The following CD99L2 variants were observed in gnomAD, a reference collection of about 807,000 sequenced individuals.
CD99L2 encodes CD99 molecule like 2.
CD99L2 carries 24 observed loss-of-function variants against 27.3 expected under a neutral mutation model. That is an observed-to-expected ratio of 0.88 (90% confidence interval 0.64 to 1.24). CD99L2 has a LOEUF of 1.24. CD99L2 is among the 50% of genes most tolerant of loss of function. CD99L2 has a pLI of 0.00. For synonymous variants in CD99L2, 97 were observed against 87.9 expected, an observed-to-expected ratio of 1.10 and a Z score of -0.58; for missense variants, 255 against 221.6, an observed-to-expected ratio of 1.15 and a Z score of -0.96.
intron 1 of CD99L2, among the ~76,000 whole-genome samples, chrX:150,845,988 C>G (rs782493038): frequency 8.1e-5 from 9 of 111,253 alleles, no homozygotes; most frequent in Admixed American, 4.8e-4. Context: ...CTCAGGAGTT[C>G]GAGACCAGCC....
chrX:150,817,996 A>C (rs1247605870), intron 2 of CD99L2, among the ~76,000 whole-genome samples: 1 of 110,494 alleles, frequency 9.1e-6, no homozygotes, highest in African/African-American at 3.3e-5. Context: ...ATGGAGTCAA[A>C]GAGTGACAAT....
At chrX:150,822,492 G>T (rs1557420696) in intron 2 of CD99L2, among the ~76,000 whole-genome samples, 1 of 111,806 alleles carries the variant, frequency 8.9e-6, no homozygotes, top group African/African-American at 3.3e-5. Flanking sequence ...CCACTTAATT[G>T]CTCACTTTTA....
intron 1 of CD99L2, among the ~76,000 whole-genome samples, chrX:150,895,584 C>T (rs1447585424): frequency 1.8e-5 from 2 of 111,464 alleles, no homozygotes; most frequent in Non-Finnish European, 3.8e-5. Flanking sequence ...ACCCAAAATG[C>T]CACTCCAGGG....
intron 4 of CD99L2, 148 bp downstream of exon 4, chrX:150,814,714 A>C: frequency 2.2e-6 from 1 of 462,320 alleles, no homozygotes; most frequent in Admixed American, 3.5e-5. Context: ...GAGACAAAAA[A>C]GGTTTGAGAA....
chrX:150,768,889 A>G lies in CD99L2; in HGVS notation c.*145T>C, dbSNP rs2043356984. The G allele has an allele frequency of 9.5e-7, 1 of 1,051,259 alleles. No individual in the cohort carries two copies. Among genetic ancestry groups the G allele is most frequent in the Non-Finnish European group, 1.2e-6 (1 of 825,229 alleles). 86.6% of individuals were successfully genotyped at this position (1,051,259 alleles called of 1,213,427 possible). On this transcript the variant is annotated 3_prime_UTR_variant, in exon 11 of 11. Transcript: ENST00000370377. ...GGGCAGAGAAACCAAACTCACAAAC[A>G]CCCAGAGCTCATCCGGGAAACTCAG... is the stretch of plus-strand genomic sequence containing the variant.
intron 1 of CD99L2, among the ~76,000 whole-genome samples, chrX:150,871,990 G>C (rs782379528): frequency 8.9e-6 from 1 of 111,946 alleles, no homozygotes; most frequent in East Asian, 2.8e-4. Context: ...CAGCACTTCA[G>C]GAGGCTGAGA....
In CD99L2 at chrX:150,828,403, G is replaced by A. The variant is rs374216813; in HGVS notation, c.130+2828C>T. On this transcript the variant is annotated intron_variant, in intron 2 of 10. Transcript: ENST00000370377. ...AGGGCTTCTTATTATCTTCATGTAA[G>A]AGATAAGGAAACTGAGGTGCAGACA... is the stretch of plus-strand genomic sequence containing the variant. The A allele has an allele frequency of 7.2e-5, 8 of 111,638 alleles. No homozygotes were observed. In the East Asian group the frequency reaches 2.0e-3, roughly 27 times the overall value. 9.2% of individuals were successfully genotyped at this position (111,638 alleles called of 1,213,427 possible).
chrX:150,771,224 G>A (rs782059580), intron 9 of CD99L2, among the ~76,000 whole-genome samples: 41 of 112,720 alleles, frequency 3.6e-4, no homozygotes, highest in African/African-American at 1.2e-3. Flanking sequence ...TCAAGCCATC[G>A]TCCTGGGCTA....
intron 2 of CD99L2, among the ~76,000 whole-genome samples, chrX:150,821,189 C>T (rs1320573912): frequency 8.9e-6 from 1 of 111,753 alleles, no homozygotes; most frequent in East Asian, 2.8e-4. Context: ...CATGGAATTG[C>T]ATGGGACCCT....
At chrX:150,874,258 C>T (rs960416928) in intron 1 of CD99L2, among the ~76,000 whole-genome samples, 6 of 112,184 alleles carry the variant, frequency 5.3e-5, no homozygotes, top group Non-Finnish European at 7.5e-5. Flanking sequence ...GGCTCAGAGA[C>T]GTGAGCAGCC....
At chrX:150,893,795 A>G (rs1441181842) in intron 1 of CD99L2, among the ~76,000 whole-genome samples, 1 of 110,049 alleles carries the variant, frequency 9.1e-6, no homozygotes, top group African/African-American at 3.3e-5. Flanking sequence ...AGCTTACTGC[A>G]GCCTCTGCCT....
chrX:150,889,467 T>TAA (rs373044500), intron 1 of CD99L2, among the ~76,000 whole-genome samples: 5,638 of 91,365 alleles, frequency 0.062, 426 homozygotes, highest in African/African-American at 0.21. Context: ...GAAGCAGCAA[T>TAA]AAAAAAAAAA....
At chrX:150,859,523 C>G (rs1328273621) in intron 1 of CD99L2, among the ~76,000 whole-genome samples, 1 of 103,457 alleles carries the variant, frequency 9.7e-6, no homozygotes, top group Non-Finnish European at 2.0e-5. Context: ...TTGAGATGGA[C>G]TTTTGCTCTT....
At position 150,897,486 on chromosome X, in the gene CD99L2, T is replaced by C. The variant is rs1342642919; in HGVS notation, c.67+1036A>G. ...CATCCACTGTTTTCCAGTGTTCCTT[T>C]ATGTGACATAAATCTTACTAGAACT... On this transcript the variant is annotated intron_variant, in intron 1 of 10. Coordinates refer to ENST00000370377, the MANE Select transcript of CD99L2 (RefSeq NM_031462.4). Among the ~76,000 whole-genome samples the C allele has an allele frequency of 3.6e-5, 4 of 111,725 alleles. No individual in the cohort carries two copies. In the East Asian group the frequency reaches 1.1e-3, roughly 31 times the overall value.
intron 1 of CD99L2, among the ~76,000 whole-genome samples, chrX:150,883,503 C>G (rs2047363412): frequency 1.8e-5 from 2 of 111,145 alleles, no homozygotes; most frequent in African/African-American, 6.6e-5. Context: ...AATTCCACCC[C>G]CAGAGGATTG....
Position 150,768,780 on chromosome X carries a change from C to T in CD99L2, c.*254G>A, listed in dbSNP as rs1047613205. 5.0e-5 allele frequency: 32 copies of T among 637,332 alleles called. No homozygotes were observed. Among genetic ancestry groups the T allele is most frequent in the Non-Finnish European group, 6.7e-5 (32 of 474,927 alleles). The allele number at this position is 637,332 out of a possible 1,213,427, so 52.5% of individuals were successfully genotyped here. A position where few individuals can be genotyped will look rare whatever the true frequency, so the allele number is the denominator to read the frequency against. On this transcript the variant is annotated 3_prime_UTR_variant, in exon 11 of 11. Coordinates refer to ENST00000370377, the MANE Select transcript of CD99L2 (RefSeq NM_031462.4). ...GCAGGCTGGCTTTGGGAGTTGGTGG[C>T]TCAGCAGCTCCCGAGGCTGGTGCTG...
At chrX:150,816,677 C>G (rs1324868812) in intron 2 of CD99L2, among the ~76,000 whole-genome samples, 1 of 109,663 alleles carries the variant, frequency 9.1e-6, no homozygotes, top group Non-Finnish European at 1.9e-5. Flanking sequence ...TACCATTTGA[C>G]CCAGCCATCC....
intron 4 of CD99L2, among the ~76,000 whole-genome samples, chrX:150,804,590 C>T (rs1557420183): frequency 9.0e-6 from 1 of 110,894 alleles, no homozygotes; most frequent in African/African-American, 3.3e-5. Flanking sequence ...GGTGAAACCC[C>T]ATCTCTAGTA....
chrX:150,896,326 A>G lies in CD99L2; in HGVS notation c.67+2196T>C, dbSNP rs1188191977. ...GGCAGGAGAATTGCTTGAACCCAGG[A>G]GGCGAAGGTTGCGGTGAGCCGAGAT... On this transcript the variant is annotated intron_variant, in intron 1 of 10. Coordinates refer to ENST00000370377, the MANE Select transcript of CD99L2 (RefSeq NM_031462.4). Among the ~76,000 whole-genome samples the G allele has an allele frequency of 4.5e-5, 5 of 111,997 alleles. No homozygotes were observed. In the Admixed American group the frequency reaches 4.8e-4, roughly 11 times the overall value.
Sources: gnomAD v4.1 joint callset for allele counts (sites outside exome capture counted in the v4.1 genomes callset) on GRCh38, gnomAD v4.1.1 for gene constraint, MANE v1.5 for transcripts, NCBI Gene and HGNC (gene_info 2026-07-23, HGNC 2026-07-21) for gene names.